RHBDD1: variants seen among roughly 807,000 people sequenced by gnomAD.
RHBDD1 encodes the protein rhomboid-related protein 4.
Under a neutral mutation model 36.3 loss-of-function variants are expected in RHBDD1, and 38 were observed. The ratio of observed to expected loss-of-function variants is 1.05; its 90% CI spans 0.81 to 1.37. RHBDD1 has a LOEUF of 1.37. Among genes scored for constraint, RHBDD1 ranks in the 40% most tolerant of loss-of-function variants. The probability of loss-of-function intolerance (pLI) is 0.00; values close to 1 mark genes in which losing one functional copy is unlikely to be tolerated. For synonymous variants in RHBDD1, 151 were observed against 136.5 expected, an observed-to-expected ratio of 1.11 and a Z score of -0.74; for missense variants, 393 against 377.6, an observed-to-expected ratio of 1.04 and a Z score of -0.34.
intron 5 of RHBDD1, among the ~76,000 whole-genome samples, chr2:226,906,494 G>T (rs372909076): frequency 6.6e-6 from 1 of 152,178 alleles, no homozygotes. Context: ...AACGGAAAGC[G>T]ATGTAATGAC....
At chr2:226,907,233 A>G (rs1948132109) in intron 6 of RHBDD1, among the ~76,000 whole-genome samples, 3 of 152,234 alleles carry the variant, frequency 2.0e-5, no homozygotes, top group Admixed American at 2.0e-4. Context: ...CCATGAATTA[A>G]TATACGTGCA....
intron 8 of RHBDD1, among the ~76,000 whole-genome samples, chr2:226,954,166 A>G (rs1327254887): frequency 6.6e-6 from 1 of 152,250 alleles, no homozygotes; most frequent in Non-Finnish European, 1.5e-5. Context: ...ACTGGACAAT[A>G]AAGAAGACAG....
chr2:226,903,526 G>T (rs1471792496), intron 5 of RHBDD1, among the ~76,000 whole-genome samples: 1 of 152,128 alleles, frequency 6.6e-6, no homozygotes, highest in Admixed American at 6.6e-5. Flanking sequence ...GCAGATAATG[G>T]GGGGTGACTA....
intron 8 of RHBDD1, among the ~76,000 whole-genome samples, chr2:226,930,260 C>G (rs367600063): frequency 3.3e-5 from 5 of 152,162 alleles, no homozygotes; most frequent in Non-Finnish European, 5.9e-5. Context: ...TCAAATTACA[C>G]TACAAGGATG....
intron 5 of RHBDD1, among the ~76,000 whole-genome samples, chr2:226,872,818 T>C (rs954449631): frequency 1.3e-5 from 2 of 152,194 alleles, no homozygotes; most frequent in African/African-American, 4.8e-5. Flanking sequence ...CTGATGTGAT[T>C]TGCATATAAT....
chr2:226,802,359 T>C, the RHBDD1 span, among the ~76,000 whole-genome samples: 1 of 152,206 alleles, frequency 6.6e-6, no homozygotes, highest in African/African-American at 2.4e-5. Context: ...TTAGTGCCAT[T>C]TTTTCTACTT....
chr2:226,938,151 G>A (rs576681119), intron 8 of RHBDD1, among the ~76,000 whole-genome samples: 12 of 152,050 alleles, frequency 7.9e-5, no homozygotes, highest in Non-Finnish European at 1.6e-4. Context: ...GATGTGAGAT[G>A]GTATCTCGTG....
chr2:226,880,256 A>C (rs1234344036), intron 5 of RHBDD1, among the ~76,000 whole-genome samples: 8 of 152,178 alleles, frequency 5.3e-5, no homozygotes, highest in African/African-American at 1.9e-4. Context: ...TCAACATTCC[A>C]GGACTGTCCC....
At chr2:226,818,124 CTA>C in the RHBDD1 span, among the ~76,000 whole-genome samples, 15 of 144,356 alleles carry the variant, frequency 1.0e-4, no homozygotes, top group African/African-American at 3.5e-4. Context: ...GTTGGTCCAT[CTA>C]TAGTCTTTTA....
chr2:226,883,850 A>G (rs752488680), intron 5 of RHBDD1, among the ~76,000 whole-genome samples: 1 of 152,200 alleles, frequency 6.6e-6, no homozygotes, highest in Non-Finnish European at 1.5e-5. Flanking sequence ...TGTTAACTGT[A>G]TTTTACAGGA....
chr2:226,939,914 T>C (rs1162177753), intron 8 of RHBDD1, among the ~76,000 whole-genome samples: 2 of 152,066 alleles, frequency 1.3e-5, no homozygotes, highest in African/African-American at 4.8e-5. Flanking sequence ...GGCACAAGAA[T>C]AGACACATAG....
the RHBDD1 span, among the ~76,000 whole-genome samples, chr2:226,829,269 A>G: frequency 1.3e-5 from 2 of 152,216 alleles, no homozygotes; most frequent in African/African-American, 2.4e-5. Flanking sequence ...CACGATTACT[A>G]TAACTTTATA....
At chr2:226,887,171 G>A (rs1040204335) in intron 5 of RHBDD1, among the ~76,000 whole-genome samples, 4 of 152,190 alleles carry the variant, frequency 2.6e-5, no homozygotes, top group Admixed American at 6.5e-5. Context: ...TAAAAGAGTC[G>A]CTGTTGGTTT....
At chr2:226,903,549 G>C (rs1017053125) in intron 5 of RHBDD1, among the ~76,000 whole-genome samples, 41 of 152,250 alleles carry the variant, frequency 2.7e-4, no homozygotes, top group African/African-American at 9.4e-4. Flanking sequence ...GAATTTCTTA[G>C]CTTGGCTGGG....
At chr2:226,826,244 C>A in the RHBDD1 span, among the ~76,000 whole-genome samples, 1 of 152,158 alleles carries the variant, frequency 6.6e-6, no homozygotes, top group Non-Finnish European at 1.5e-5. Flanking sequence ...AATGGCTGAT[C>A]TAGAGGCAGG....
chr2:226,855,903 C>T (rs1017817103), intron 3 of RHBDD1, among the ~76,000 whole-genome samples: 6 of 152,118 alleles, frequency 3.9e-5, no homozygotes, highest in African/African-American at 1.4e-4. Flanking sequence ...CTTTGTATCT[C>T]TGCCATTAAT....
At chr2:226,864,402 T>C (rs1944138438) in intron 3 of RHBDD1, among the ~76,000 whole-genome samples, 1 of 152,194 alleles carries the variant, frequency 6.6e-6, no homozygotes, top group Non-Finnish European at 1.5e-5. Context: ...GGATTTGGGA[T>C]AACATTTCTA....
chr2:226,876,001 C>G (rs1945206942), intron 5 of RHBDD1, among the ~76,000 whole-genome samples: 1 of 152,178 alleles, frequency 6.6e-6, no homozygotes, highest in African/African-American at 2.4e-5. Context: ...CAATAGCACC[C>G]TTTTGTTTTA....
the RHBDD1 span, among the ~76,000 whole-genome samples, chr2:226,818,138 G>T: frequency 9.4e-5 from 14 of 149,076 alleles, no homozygotes; most frequent in Non-Finnish European, 1.8e-4. Flanking sequence ...AGTCTTTTAA[G>T]TGGTCCAAAC....
Sources: allele counts gnomAD v4.1 joint callset (sites outside exome capture counted in the v4.1 genomes callset), GRCh38; gene constraint gnomAD v4.1.1; transcripts MANE v1.5; gene names NCBI Gene and HGNC (gene_info 2026-07-23, HGNC 2026-07-21).